BRAF: variants seen among roughly 807,000 people sequenced by gnomAD.
BRAF encodes serine/threonine-protein kinase B-raf.
In BRAF, 16 loss-of-function variants were observed where a neutral mutation model predicts 104.6. That is an observed-to-expected ratio of 0.15 (90% CI 0.10 to 0.23). The LOEUF is 0.23. Ranked by LOEUF, BRAF falls within the 10% of genes least tolerant of loss-of-function variation. The pLI is 1.00. For missense variants in BRAF, 541 were observed against 937.3 expected, an observed-to-expected ratio of 0.58 and a Z score of 5.52; for synonymous variants, 310 against 341.6, an observed-to-expected ratio of 0.91 and a Z score of 1.02.
chr7:140,757,812 A>G (rs1292855017), intron 14 of BRAF, among the ~76,000 whole-genome samples: 1 of 152,246 alleles, frequency 6.6e-6, no homozygotes, highest in East Asian at 1.9e-4. Context: ...ATACGTAATT[A>G]TATTCAAGAG....
In BRAF at chr7:140,719,882, C is replaced by CT; in HGVS notation, c.*6611dup. 9.4e-7 allele frequency: 1 copy of CT among 1,062,696 alleles called. No individual in the cohort carries two copies. Among genetic ancestry groups the CT allele is most frequent in the Non-Finnish European group, 1.1e-6 (1 of 877,622 alleles). 65.8% of individuals were successfully genotyped at this position (1,062,696 alleles called of 1,614,324 possible). ...GAACTGAAGTGTACTAAACCCGAAC[C>CT]TTTGGCAGTAACAGAAAAGAGGAAT... On this transcript the variant is annotated 3_prime_UTR_variant, in exon 20 of 20. Transcript: ENST00000644969.
At chr7:140,846,300 T>C (rs1808536938) in intron 2 of BRAF, among the ~76,000 whole-genome samples, 1 of 152,178 alleles carries the variant, frequency 6.6e-6, no homozygotes, top group South Asian at 2.1e-4. Flanking sequence ...ATACATACAA[T>C]GAATGGATTA....
chr7:140,800,883 T>C, intron 6 of BRAF: 1 of 301,460 alleles, frequency 3.3e-6, no homozygotes, highest in East Asian at 9.1e-5. Flanking sequence ...CAAAAAGAGA[T>C]AATAGACTCA....
chr7:140,847,617 C>CTAGAGCAGTA (rs1808712468), intron 2 of BRAF, among the ~76,000 whole-genome samples: 1 of 152,034 alleles, frequency 6.6e-6, no homozygotes, highest in African/African-American at 2.4e-5. Context: ...TTGCTATTCC[C>CTAGAGCAGTA]CAAGGCCTAG....
At chr7:140,920,203 G>A (rs1401526321) in intron 1 of BRAF, among the ~76,000 whole-genome samples, 2 of 152,232 alleles carry the variant, frequency 1.3e-5, no homozygotes, top group East Asian at 3.9e-4. Flanking sequence ...AAAACAAGGG[G>A]ATTATGACAC....
At position 140,749,416 on chromosome 7, in the gene BRAF, T is replaced by C. The variant is rs1367609921; in HGVS notation, c.1983A>G (p.Ala661=). Residue 661 remains alanine (A), a splice_region_variant and synonymous_variant, in exon 17 of 20, where the codon GCA becomes GCG. Transcript: ENST00000644969. ...EQLSGSILWM[A]PEVIRMQDKN... is the part of the protein sequence containing the mutation. ...TATCTTGCATTCTGATGACTTCTGG[T>C]GCCTGTTAGAACATACAAAGAAAAA... 2 of 1,612,906 alleles carry C rather than the reference T, an allele frequency of 1.2e-6. No individual in the cohort carries two copies. Among genetic ancestry groups the C allele is most frequent in the Non-Finnish European group, 1.7e-6 (2 of 1,179,346 alleles).
rs10251244 is a variant in BRAF, at chr7:140,887,005, C to A, written c.139-36793G>T. Among the ~76,000 whole-genome samples, 853 of 152,228 alleles carry A rather than the reference C, an allele frequency of 5.6e-3. 7 individuals are homozygous for A. The highest frequency in any genetic ancestry group is 0.02 in the African/African-American group (811 of 41,512). On this transcript the variant is annotated intron_variant, in intron 1 of 19. Coordinates refer to ENST00000644969, the MANE Select transcript of BRAF (RefSeq NM_001374258.1). ...ATTAAAAGCATGCTACAATTATAGA[C>A]AAGAAGTAATGAGAGTCTGAACTAT...
chr7:140,797,877 T>TA (rs1266166984), intron 7 of BRAF, among the ~76,000 whole-genome samples: 2 of 151,836 alleles, frequency 1.3e-5, no homozygotes, highest in African/African-American at 4.8e-5. Flanking sequence ...TTTGACCATC[T>TA]AAAAAAAACA....
intron 1 of BRAF, among the ~76,000 whole-genome samples, chr7:140,858,488 C>CT (rs763001646): frequency 2.0e-5 from 3 of 152,186 alleles, no homozygotes; most frequent in Non-Finnish European, 4.4e-5. Context: ...TCTAAGACAA[C>CT]TGTCCTGGAT....
chr7:140,899,233 G>A (rs985206352), intron 1 of BRAF, among the ~76,000 whole-genome samples: 2 of 60,214 alleles, frequency 3.3e-5, no homozygotes, highest in African/African-American at 6.8e-5. Context: ...ACTCCCGGCA[G>A]GAACTTGTTA....
At chr7:140,778,166 C>T (rs763222148) in intron 12 of BRAF, 91 bp from the exon 12 acceptor site, 3 of 1,076,814 alleles carry the variant, frequency 2.8e-6, no homozygotes, top group Middle Eastern at 2.8e-4. Context: ...ATTATCATAG[C>T]CCTAACTCCA....
intron 3 of BRAF, among the ~76,000 whole-genome samples, chr7:140,824,978 T>C (rs1304986073): frequency 1.5e-5 from 2 of 136,958 alleles, no homozygotes; most frequent in Non-Finnish European, 3.2e-5. Context: ...TTTTTCTTTT[T>C]TTTTTTTTTT....
At chr7:140,718,810 A>C (rs983750386), downstream of BRAF, among the ~76,000 whole-genome samples, 2 of 152,250 alleles carry the variant, frequency 1.3e-5, no homozygotes, top group Non-Finnish European at 2.9e-5. Context: ...AAGGGTCATG[A>C]AATCAAATGC....
At chr7:140,715,894 G>A (rs1795120015), downstream of BRAF, among the ~76,000 whole-genome samples, 1 of 152,180 alleles carries the variant, frequency 6.6e-6, no homozygotes, top group South Asian at 2.1e-4. Flanking sequence ...TGAAGAAGTT[G>A]AGCTATAGAT....
At chr7:140,741,153 C>T (rs1356343987) in intron 17 of BRAF, 1 of 152,078 alleles carries the variant, frequency 6.6e-6, no homozygotes, top group African/African-American at 2.4e-5. Context: ...ACTTGGCTAT[C>T]AGTGGAAAAG....
intron 12 of BRAF, chr7:140,780,567 T>G (rs932046896): frequency 2.0e-5 from 3 of 152,132 alleles, no homozygotes; most frequent in African/African-American, 7.2e-5. Flanking sequence ...TAAAAAATTA[T>G]GTTATATATT....
downstream of BRAF, among the ~76,000 whole-genome samples, chr7:140,718,220 G>A (rs1048022615): frequency 1.3e-5 from 2 of 152,044 alleles, no homozygotes; most frequent in African/African-American, 4.8e-5. Context: ...TCAGCCTCCC[G>A]AGTAGCTGGG....
intron 1 of BRAF, among the ~76,000 whole-genome samples, chr7:140,863,808 C>G (rs1004488907): frequency 6.6e-6 from 1 of 152,198 alleles, no homozygotes; most frequent in African/African-American, 2.4e-5. Flanking sequence ...CTGTAAGTTT[C>G]CTGAGGCCTC....
chr7:140,878,814 C>T (rs1812546002), intron 1 of BRAF, among the ~76,000 whole-genome samples: 1 of 152,120 alleles, frequency 6.6e-6, no homozygotes, highest in Admixed American at 6.5e-5. Context: ...CAGCATTGCG[C>T]ACTGTATACC....
Sources: allele counts gnomAD v4.1 joint callset (sites outside exome capture counted in the v4.1 genomes callset), GRCh38; gene constraint gnomAD v4.1.1; transcripts MANE v1.5; gene names NCBI Gene and HGNC (gene_info 2026-07-23, HGNC 2026-07-21).